CTNNBL1: variants seen among roughly 807,000 people sequenced by gnomAD.
CTNNBL1 encodes the protein beta-catenin-like protein 1.
In CTNNBL1, 31 loss-of-function variants were observed where a neutral mutation model predicts 72.7. That is an observed-to-expected ratio of 0.43 (90% CI 0.32 to 0.58). CTNNBL1 has a LOEUF of 0.58. Ranked by LOEUF, CTNNBL1 falls within the 20% of genes least tolerant of loss-of-function variation. The pLI, the probability that CTNNBL1 is intolerant of heterozygous loss-of-function variation, is 0.08. For synonymous variants in CTNNBL1, 240 were observed against 267.3 expected (o/e 0.90, Z 1.00); for missense variants, 534 against 725.1 (o/e 0.74, Z 3.03).
At chr20:37,844,766 G>A (rs2235470) in intron 13 of CTNNBL1, among the ~76,000 whole-genome samples, 123,997 of 151,998 alleles carry the variant, frequency 0.82, 50,638 homozygotes, top group Middle Eastern at 0.9. Flanking sequence ...GGCCGACAAA[G>A]CAAAACCCCC....
chr20:37,814,316 C>T (rs2072035994), intron 11 of CTNNBL1, among the ~76,000 whole-genome samples: 1 of 152,192 alleles, frequency 6.6e-6, no homozygotes, highest in South Asian at 2.1e-4. Flanking sequence ...GGCCCCAGTA[C>T]TGCATAAATA....
At chr20:37,852,775 T>A (rs2072408435) in intron 13 of CTNNBL1, among the ~76,000 whole-genome samples, 1 of 152,186 alleles carries the variant, frequency 6.6e-6, no homozygotes, top group Non-Finnish European at 1.5e-5. Context: ...TCATACTCTG[T>A]ACTCACTGCA....
chr20:37,826,617 A>C (rs944755467), intron 11 of CTNNBL1, among the ~76,000 whole-genome samples: 2 of 152,214 alleles, frequency 1.3e-5, no homozygotes, highest in African/African-American at 4.8e-5. Flanking sequence ...CTCCTTCTCA[A>C]CATTTTCTTA....
At chr20:37,739,597 T>C (rs906276206) in intron 3 of CTNNBL1, among the ~76,000 whole-genome samples, 10 of 152,168 alleles carry the variant, frequency 6.6e-5, no homozygotes, top group African/African-American at 2.4e-4. Flanking sequence ...TACTGCCAAT[T>C]TTCTCACTGT....
rs1329057991 is a variant in CTNNBL1 at position 37,871,956 on chromosome 20, C to T, written c.1635C>T (p.Ser545=). ...EYAENIGDGR[S]PEFRENEQKR... is the part of the protein sequence containing the mutation. ...CAGAGAACATCGGGGACGGCCGGAG[C>T]CCGGAGTTCCGGGAGAACGAGCAAA... Residue 545 remains serine, a synonymous_variant, in exon 16 of 16, where the codon AGC becomes AGT. Coordinates refer to ENST00000361383, the MANE Select transcript of CTNNBL1 (RefSeq NM_030877.5). The T allele has an allele frequency of 6.2e-7, 1 of 1,614,066 alleles. No homozygotes were observed. The highest frequency in any genetic ancestry group is 2.2e-5 in the East Asian group (1 of 44,882).
At chr20:37,805,396 GTTTTTTTTTTTCCT>G (rs934843303) in intron 11 of CTNNBL1, among the ~76,000 whole-genome samples, 1 of 132,114 alleles carries the variant, frequency 7.6e-6, no homozygotes, top group Non-Finnish European at 1.6e-5. Context: ...TTTGTTTTTT[GTTTTTTTTTTTCCT>G]TTTTTTTTTT....
chr20:37,868,219 G>A (rs117634158), intron 15 of CTNNBL1, among the ~76,000 whole-genome samples: 2,193 of 152,264 alleles, frequency 0.014, 29 homozygotes, highest in Middle Eastern at 0.041. Context: ...TAGGGGCCAG[G>A]CAGGGTAGCC....
chr20:37,761,267 T>TTTA, intron 5 of CTNNBL1, among the ~76,000 whole-genome samples: 1 of 152,320 alleles, frequency 6.6e-6, no homozygotes, highest in African/African-American at 2.4e-5. Flanking sequence ...ATAGAAACGC[T>TTTA]TTATAGAGTT....
At chr20:37,815,071 C>CAGTGTG (rs1555830911) in intron 11 of CTNNBL1, among the ~76,000 whole-genome samples, 2 of 74,670 alleles carry the variant, frequency 2.7e-5, no homozygotes, top group Non-Finnish European at 5.1e-5. Context: ...GTTAGGGACT[C>CAGTGTG]TGTGAGTGTG....
intron 13 of CTNNBL1, among the ~76,000 whole-genome samples, chr20:37,856,194 C>T: frequency 1.2e-5 from 1 of 81,358 alleles, no homozygotes; most frequent in East Asian, 3.9e-4. Flanking sequence ...GAGCAAAACT[C>T]CTTCTCAAAA....
intron 11 of CTNNBL1, among the ~76,000 whole-genome samples, chr20:37,813,031 G>A (rs1314909168): frequency 2.0e-5 from 3 of 152,038 alleles, no homozygotes; most frequent in African/African-American, 7.3e-5. Flanking sequence ...AAAAAAAGTT[G>A]GGAGGGACAA....
intron 1 of CTNNBL1, among the ~76,000 whole-genome samples, chr20:37,709,442 C>T (rs769119592): frequency 1.4e-4 from 22 of 152,158 alleles, no homozygotes; most frequent in Non-Finnish European, 2.9e-4. Context: ...CACACCAGTC[C>T]TCTGCTGGTA....
At chr20:37,812,314 A>G (rs2072019080) in intron 11 of CTNNBL1, among the ~76,000 whole-genome samples, 1 of 152,152 alleles carries the variant, frequency 6.6e-6, no homozygotes, top group Admixed American at 6.5e-5. Flanking sequence ...TACCTCTTCC[A>G]GTTTTCATGT....
intron 11 of CTNNBL1, among the ~76,000 whole-genome samples, chr20:37,833,075 G>A (rs1196674540): frequency 6.6e-6 from 1 of 152,202 alleles, no homozygotes; most frequent in Admixed American, 6.5e-5. Flanking sequence ...TCATGATTTG[G>A]AGGGAAAAGC....
chr20:37,711,181 C>G (rs150238467), intron 1 of CTNNBL1, among the ~76,000 whole-genome samples: 1 of 152,222 alleles, frequency 6.6e-6, no homozygotes, highest in Non-Finnish European at 1.5e-5. Context: ...GAGAAGCTTA[C>G]AGACTTTCCA....
chr20:37,804,616 T>C (rs1440311248), intron 11 of CTNNBL1, among the ~76,000 whole-genome samples: 1 of 152,218 alleles, frequency 6.6e-6, no homozygotes, highest in Non-Finnish European at 1.5e-5. Context: ...TTGTCAGGGT[T>C]GCCTGTGAGC....
intron 13 of CTNNBL1, among the ~76,000 whole-genome samples, chr20:37,857,426 C>A (rs1296879776): frequency 1.3e-5 from 2 of 152,232 alleles, no homozygotes; most frequent in Non-Finnish European, 2.9e-5. Context: ...CAGGCCAAAG[C>A]TCTGATAAGT....
chr20:37,819,490 G>A (rs1338015015), intron 11 of CTNNBL1, among the ~76,000 whole-genome samples: 3 of 152,098 alleles, frequency 2.0e-5, no homozygotes, highest in Non-Finnish European at 4.4e-5. Flanking sequence ...ACTGTCATTG[G>A]TATACCTGAG....
At chr20:37,712,415 T>C (rs2072946059) in intron 1 of CTNNBL1, among the ~76,000 whole-genome samples, 2 of 152,234 alleles carry the variant, frequency 1.3e-5, no homozygotes, top group Admixed American at 1.3e-4. Context: ...TGATTAAATA[T>C]CACTGCCACT....
Sources: gnomAD v4.1 joint callset for allele counts (sites outside exome capture counted in the v4.1 genomes callset) on GRCh38, gnomAD v4.1.1 for gene constraint, MANE v1.5 for transcripts, NCBI Gene and HGNC (gene_info 2026-07-23, HGNC 2026-07-21) for gene names.